FRMPD4: variants seen among roughly 807,000 people sequenced by gnomAD.
FRMPD4 encodes FERM and PDZ domain-containing protein 4.
A neutral mutation model predicts 94.1 loss-of-function variants in FRMPD4; 22 were observed. The observed-to-expected ratio is 0.23, with a 90% CI of 0.17 to 0.33. The LOEUF is 0.33. Among genes scored for constraint, FRMPD4 ranks in the 10% least tolerant of loss-of-function variants. The pLI, the probability that FRMPD4 is intolerant of heterozygous loss-of-function variation, is 1.00. For synonymous variants in FRMPD4, 631 were observed against 548.6 expected (o/e 1.15, Z -2.10); for missense variants, 1,111 against 1,339.9 (o/e 0.83, Z 2.67).
intron 3 of FRMPD4, among the ~76,000 whole-genome samples, chrX:11,995,323 A>G (rs1386879910): frequency 9.0e-6 from 1 of 111,718 alleles, no homozygotes; most frequent in Admixed American, 9.5e-5. Flanking sequence ...TCACAGTGAC[A>G]TACTGTAGCA....
At chrX:11,865,335 A>G in intron 2 of FRMPD4, among the ~76,000 whole-genome samples, 1 of 112,005 alleles carries the variant, frequency 8.9e-6, no homozygotes, top group Non-Finnish European at 1.9e-5. Context: ...TATAATTAGG[A>G]TGGTATTGTT....
chrX:12,020,532 C>T (rs1424797845), intron 3 of FRMPD4, among the ~76,000 whole-genome samples: 1 of 111,447 alleles, frequency 9.0e-6, no homozygotes, highest in Admixed American at 9.5e-5. Context: ...TGAAGAACTG[C>T]GAAAGGGAAG....
At chrX:12,386,410 A>G (rs755385835) in intron 1 of FRMPD4, among the ~76,000 whole-genome samples, 1 of 112,171 alleles carries the variant, frequency 8.9e-6, no homozygotes, top group African/African-American at 3.2e-5. Context: ...ATTGATTAGG[A>G]GGGACTTTTT....
At chrX:12,206,219 T>C (rs1255457203) in intron 1 of FRMPD4, among the ~76,000 whole-genome samples, 1 of 112,383 alleles carries the variant, frequency 8.9e-6, no homozygotes, top group Non-Finnish European at 1.9e-5. Context: ...TTAAATTCAG[T>C]AATGTGGTTT....
At position 12,236,857 on chromosome X, in the gene FRMPD4, C is replaced by T. The variant is rs375328211; in HGVS notation, c.41+97845C>T. Among the ~76,000 whole-genome samples the T allele has an allele frequency of 3.0e-4, 33 of 111,795 alleles. No individual in the cohort carries two copies. In the South Asian group the frequency reaches 0.012, roughly 40 times the overall value. On this transcript the variant is annotated intron_variant, in intron 1 of 16. Transcript: ENST00000675598. ...CTGTACATCAGCTGTTTTATTTAAT[C>T]AGAGGTGATTTTGCTCCCAGGAGAA...
chrX:11,879,808 G>A (rs766629983), intron 3 of FRMPD4, among the ~76,000 whole-genome samples: 48 of 111,845 alleles, frequency 4.3e-4, no homozygotes, highest in Non-Finnish European at 8.5e-4. Context: ...AATTATCATA[G>A]AGCCACAAGT....
At chrX:12,473,547 A>T (rs2057547452) in intron 1 of FRMPD4, among the ~76,000 whole-genome samples, 1 of 110,022 alleles carries the variant, frequency 9.1e-6, no homozygotes, top group Non-Finnish European at 1.9e-5. Context: ...AAGACCCATC[A>T]GTGTGCTCTA....
At chrX:12,637,713 A>T (rs996814022) in intron 4 of FRMPD4, among the ~76,000 whole-genome samples, 6 of 110,859 alleles carry the variant, frequency 5.4e-5, no homozygotes, top group South Asian at 3.9e-4. Flanking sequence ...TAGTTCCCCT[A>T]TGTGACACTC....
intron 3 of FRMPD4, among the ~76,000 whole-genome samples, chrX:12,072,417 A>G (rs1008029088): frequency 2.7e-5 from 3 of 111,710 alleles, no homozygotes; most frequent in Non-Finnish European, 5.6e-5. Context: ...GGGTTACAGC[A>G]ATTATTTTGT....
At chrX:11,892,885 A>G in intron 3 of FRMPD4, among the ~76,000 whole-genome samples, 1 of 112,555 alleles carries the variant, frequency 8.9e-6, no homozygotes, top group Middle Eastern at 4.6e-3. Context: ...ACAATCAGTG[A>G]GAGCTTTCTC....
rs942043099 is a variant in FRMPD4, at chrX:12,102,384, G to A, written c.95+224366G>A. ...AAGTTGTCTTGTGATTTGTGTGCAT[G>A]TGTATGCACACATGTATCTTTGTAC... On this transcript the variant is annotated intron_variant, in intron 3 of 18. Transcript: ENST00000640291. Among the ~76,000 whole-genome samples, 12 of 111,873 alleles carry A rather than the reference G, an allele frequency of 1.1e-4. No individual in the cohort carries two copies. In the Admixed American group the frequency reaches 1.1e-3, roughly 11 times the overall value.
chrX:12,587,447 T>G (rs1415289492), intron 2 of FRMPD4, among the ~76,000 whole-genome samples: 1 of 111,234 alleles, frequency 9.0e-6, no homozygotes, highest in Non-Finnish European at 1.9e-5. Context: ...ATCCCCCTTC[T>G]CCCCACCCCT....
At chrX:11,829,886 C>T (rs9887633) in intron 1 of FRMPD4, among the ~76,000 whole-genome samples, 30,676 of 111,311 alleles carry the variant, frequency 0.28, 3,134 homozygotes, top group Middle Eastern at 0.37. Context: ...TCAAACAAAA[C>T]TATATCGTCT....
chrX:12,577,746 C>A (rs1234961761), intron 2 of FRMPD4, among the ~76,000 whole-genome samples: 2 of 111,469 alleles, frequency 1.8e-5, no homozygotes, highest in Middle Eastern at 4.2e-3. Flanking sequence ...AGATGGCTGG[C>A]AAACTGGAGT....
intron 2 of FRMPD4, among the ~76,000 whole-genome samples, chrX:12,517,554 C>T (rs961009604): frequency 8.9e-6 from 1 of 112,695 alleles, no homozygotes; most frequent in Non-Finnish European, 1.9e-5. Flanking sequence ...AGCTGCAGAA[C>T]AGCAAAGATG....
At chrX:12,211,109 C>T (rs2056751540) in intron 1 of FRMPD4, among the ~76,000 whole-genome samples, 1 of 112,175 alleles carries the variant, frequency 8.9e-6, no homozygotes, top group African/African-American at 3.2e-5. Flanking sequence ...TGTAATATGA[C>T]AGAGTTGGAC....
chrX:12,477,657 GAAT>G (rs2057620769), intron 1 of FRMPD4, among the ~76,000 whole-genome samples: 1 of 112,124 alleles, frequency 8.9e-6, no homozygotes, highest in Non-Finnish European at 1.9e-5. Context: ...AGATTTTTAA[GAAT>G]AATTCATATT....
chrX:11,862,965 T>TTG (rs1469703948), intron 1 of FRMPD4, among the ~76,000 whole-genome samples: 25 of 92,063 alleles, frequency 2.7e-4, no homozygotes, highest in Non-Finnish European at 4.0e-4. Flanking sequence ...ACTTGGTTTT[T>TTG]TTTTTTTTTT....
intron 3 of FRMPD4, among the ~76,000 whole-genome samples, chrX:11,917,683 T>C (rs2147342063): frequency 9.0e-6 from 1 of 110,763 alleles, no homozygotes; most frequent in South Asian, 3.8e-4. Context: ...AGCTAAACAA[T>C]GGGTACACAT....
Sources: allele counts gnomAD v4.1 joint callset (sites outside exome capture counted in the v4.1 genomes callset), GRCh38; gene constraint gnomAD v4.1.1; transcripts MANE v1.5; gene names NCBI Gene and HGNC (gene_info 2026-07-23, HGNC 2026-07-21).